SNX24: variants seen among roughly 807,000 people sequenced by gnomAD.
SNX24 encodes the protein sorting nexin-24.
In SNX24, 22 loss-of-function variants were observed where a neutral mutation model predicts 28.7. The observed-to-expected ratio is 0.77, with a 90% CI of 0.55 to 1.10. The LOEUF (loss-of-function observed/expected upper bound fraction) is 1.10. SNX24 is among the 50% of genes least tolerant of loss of function. The pLI is 0.00. For synonymous variants in SNX24, 69 were observed against 71.5 expected, an observed-to-expected ratio of 0.96 and a Z score of 0.18; for missense variants, 221 against 201.1, an observed-to-expected ratio of 1.10 and a Z score of -0.60.
At chr5:122,932,942 G>A (rs932514574) in intron 1 of SNX24, among the ~76,000 whole-genome samples, 1 of 151,680 alleles carries the variant, frequency 6.6e-6, no homozygotes, top group African/African-American at 2.4e-5. Context: ...GGATGGGCCA[G>A]ACATTCCTAT....
intron 1 of SNX24, among the ~76,000 whole-genome samples, chr5:122,878,671 C>T (rs1035540291): frequency 2.6e-5 from 4 of 152,008 alleles, no homozygotes; most frequent in African/African-American, 9.7e-5. Flanking sequence ...TTAGAGCAGT[C>T]CCGTAGAAAT....
At chr5:122,995,254 C>T (rs190036339) in intron 3 of SNX24, among the ~76,000 whole-genome samples, 21 of 152,332 alleles carry the variant, frequency 1.4e-4, no homozygotes, top group African/African-American at 4.8e-4. Context: ...CTTCTTCCAG[C>T]AGCTTTGAAA....
chr5:122,953,131 G>GTC (rs965699946), intron 3 of SNX24, among the ~76,000 whole-genome samples: 25 of 144,840 alleles, frequency 1.7e-4, no homozygotes, highest in African/African-American at 6.2e-4. Flanking sequence ...TGGAAACAGA[G>GTC]TCTTGCTCTG....
At chr5:122,846,941 T>C (rs1764762222) in intron 1 of SNX24, among the ~76,000 whole-genome samples, 1 of 151,402 alleles carries the variant, frequency 6.6e-6, no homozygotes, top group Non-Finnish European at 1.5e-5. Context: ...AAACAAACCC[T>C]CGAGTTTGTT....
intron 3 of SNX24, among the ~76,000 whole-genome samples, chr5:122,986,232 A>C (rs454617): frequency 0.22 from 33,951 of 152,176 alleles, 4,833 homozygotes; most frequent in Non-Finnish European, 0.33. Context: ...TGTCTGTAAG[A>C]AATTCAAGTG....
chr5:122,983,169 CAT>C (rs1017950724), intron 3 of SNX24: 2 of 146,716 alleles, frequency 1.4e-5, no homozygotes, highest in African/African-American at 4.9e-5. Context: ...GTAAATGAGA[CAT>C]ATTCTCAAGT....
intron 5 of SNX24, chr5:123,023,681 C>T (rs1049679405): frequency 1.3e-5 from 10 of 786,504 alleles, no homozygotes; most frequent in Middle Eastern, 4.5e-4. Context: ...AGTCCCTAAG[C>T]AGGTGGTTTA....
At chr5:122,928,939 C>G (rs1758829824) in intron 1 of SNX24, among the ~76,000 whole-genome samples, 1 of 151,566 alleles carries the variant, frequency 6.6e-6, no homozygotes, top group Non-Finnish European at 1.5e-5. Flanking sequence ...TCCAGGCCCT[C>G]TCTGTCCTAT....
chr5:122,907,894 T>A (rs1390109229), intron 1 of SNX24, among the ~76,000 whole-genome samples: 2 of 152,184 alleles, frequency 1.3e-5, no homozygotes. Flanking sequence ...ATGGTAATTT[T>A]TTTTTTTTTT....
At chr5:122,923,699 G>C (rs1370195426) in intron 1 of SNX24, among the ~76,000 whole-genome samples, 1 of 152,010 alleles carries the variant, frequency 6.6e-6, no homozygotes, top group African/African-American at 2.4e-5. Context: ...CCCTTCCTGG[G>C]GTCCAAAAAG....
downstream of SNX24, among the ~76,000 whole-genome samples, chr5:123,011,115 T>TG (rs1414110085): frequency 5.3e-5 from 8 of 152,074 alleles, no homozygotes; most frequent in Admixed American, 5.2e-4. Flanking sequence ...ACCCTGCACT[T>TG]GGGGAAATAT....
intron 3 of SNX24, among the ~76,000 whole-genome samples, chr5:122,962,976 G>A (rs1160146617): frequency 6.6e-6 from 1 of 152,202 alleles, no homozygotes; most frequent in Non-Finnish European, 1.5e-5. Context: ...GCTCATGCCT[G>A]TAATCCCAGC....
At chr5:122,989,487 G>C (rs1006925986) in intron 3 of SNX24, among the ~76,000 whole-genome samples, 1 of 125,940 alleles carries the variant, frequency 7.9e-6, no homozygotes, top group Non-Finnish European at 1.6e-5. Flanking sequence ...CTGACATTTT[G>C]TTGGCTAGAT....
At chr5:122,868,770 A>G (rs955596536) in intron 1 of SNX24, among the ~76,000 whole-genome samples, 1 of 152,104 alleles carries the variant, frequency 6.6e-6, no homozygotes, top group Non-Finnish European at 1.5e-5. Flanking sequence ...ATGAATCATA[A>G]TGTTCTTCAC....
chr5:122,886,938 A>T (rs1471421955), intron 1 of SNX24, among the ~76,000 whole-genome samples: 1 of 151,922 alleles, frequency 6.6e-6, no homozygotes, highest in Non-Finnish European at 1.5e-5. Context: ...TTTATAGGGG[A>T]TGTCTAGAAT....
At chr5:122,921,380 A>G (rs1175152743) in intron 1 of SNX24, among the ~76,000 whole-genome samples, 1 of 152,242 alleles carries the variant, frequency 6.6e-6, no homozygotes, top group Non-Finnish European at 1.5e-5. Flanking sequence ...AAATAAAGGC[A>G]CTAATCGTGG....
At chr5:122,967,043 G>A (rs560611617) in intron 3 of SNX24, among the ~76,000 whole-genome samples, 157 of 152,280 alleles carry the variant, frequency 1.0e-3, no homozygotes, top group Non-Finnish European at 1.7e-3. Flanking sequence ...AACCATGACT[G>A]ATTTAAAATG....
At chr5:123,012,343 A>G (rs1292230419), downstream of SNX24, among the ~76,000 whole-genome samples, 1 of 152,236 alleles carries the variant, frequency 6.6e-6, no homozygotes, top group Non-Finnish European at 1.5e-5. Flanking sequence ...ATAAAAAGGA[A>G]ATTCTGACAC....
chr5:122,971,685 A>G (rs139967107), intron 3 of SNX24, among the ~76,000 whole-genome samples: 12 of 152,374 alleles, frequency 7.9e-5, no homozygotes, highest in African/African-American at 2.6e-4. Flanking sequence ...GAAAGGAAAT[A>G]AAATGAAGAT....
Sources: gnomAD v4.1 joint callset for allele counts (sites outside exome capture counted in the v4.1 genomes callset) on GRCh38, gnomAD v4.1.1 for gene constraint, MANE v1.5 for transcripts, NCBI Gene and HGNC (gene_info 2026-07-23, HGNC 2026-07-21) for gene names.